AGPAT1: variants seen among roughly 807,000 people sequenced by gnomAD.
AGPAT1 encodes the protein 1-acylglycerol-3-phosphate O-acyltransferase 1.
Under a neutral mutation model 31.2 loss-of-function variants are expected in AGPAT1, and 6 were observed. The observed-to-expected ratio is 0.19, with a 90% confidence interval of 0.11 to 0.38. The LOEUF (loss-of-function observed/expected upper bound fraction) is 0.38, where lower values mean the gene tolerates loss of function less well. Among genes scored for constraint, AGPAT1 ranks in the 10% least tolerant of loss-of-function variants. The pLI, the probability that AGPAT1 is intolerant of heterozygous loss-of-function variation, is 1.00. For missense variants in AGPAT1, 187 were observed against 377.8 expected, an observed-to-expected ratio of 0.49 and a Z score of 4.19; for synonymous variants, 139 against 154.0, an observed-to-expected ratio of 0.90 and a Z score of 0.72.
chr6:32,170,352 C>T lies in AGPAT1; in HGVS notation c.510+73G>A. 6.2e-7 allele frequency: 1 copy of T among 1,609,466 alleles called. No individual in the cohort carries two copies. Among genetic ancestry groups the T allele is most frequent in the Non-Finnish European group, 8.5e-7 (1 of 1,176,028 alleles). ...AATGGGACCTTTGAGGCCCACTGGCCCTGCATATCAGTTTATTTACAACTG... is the reference window on the plus strand; with the variant it reads ...AATGGGACCTTTGAGGCCCACTGGCTCTGCATATCAGTTTATTTACAACTG... On this transcript the variant is annotated intron_variant, in intron 4 of 6. Coordinates refer to ENST00000375107, the MANE Select transcript of AGPAT1 (RefSeq NM_006411.4). This position sits in a 1 kb window ranked among gnomAD's most constrained non-coding sequence, Gnocchi z 7.7.
upstream of AGPAT1, chr6:32,176,085 A>G (rs1211300365): frequency 1.0e-6 from 1 of 983,342 alleles, no homozygotes; most frequent in Non-Finnish European, 1.2e-6. Flanking sequence ...TGCCGCCGCT[A>G]TTCCCCCGCC....
chr6:32,169,601 G>A lies in AGPAT1; in HGVS notation c.680-153C>T. 1 of 871,860 alleles carries A rather than the reference G, an allele frequency of 1.1e-6. No individual in the cohort carries two copies. The highest frequency in any genetic ancestry group is 1.7e-5 in the African/African-American group (1 of 59,334). 54.0% of individuals were successfully genotyped at this position (871,860 alleles called of 1,614,324 possible). A position where few individuals can be genotyped will look rare whatever the true frequency, so the allele number is the denominator to read the frequency against. ...TGGGCTTGCCAGCTGCCACTTCTGA[G>A]GCCCTTCTCCTATACAAAGCCTTCT... On this transcript the variant is annotated intron_variant, in intron 6 of 6. Coordinates refer to ENST00000375107, the MANE Select transcript of AGPAT1 (RefSeq NM_006411.4). This position sits in a 1 kb window ranked among gnomAD's most constrained non-coding sequence, Gnocchi z 5.9.
At chr6:32,176,432 T>C (rs1785563959), upstream of AGPAT1, 2 of 930,536 alleles carry the variant, frequency 2.1e-6, no homozygotes, top group African/African-American at 3.6e-5. Flanking sequence ...TATCTGCTGC[T>C]TATTCCCCCC....
Position 32,169,558 on chromosome 6 carries a change from A to C in AGPAT1, c.680-110T>G. On this transcript the variant is annotated intron_variant, in intron 6 of 6. Transcript: ENST00000375107. This position sits in a 1 kb window ranked among gnomAD's most constrained non-coding sequence, Gnocchi z 5.9. ...TCAACCTTTCAGTTCTCTTCCCCCAACCCTGGACAACCATCCCTGGGCTTG... is the reference window on the plus strand; with the variant it reads ...TCAACCTTTCAGTTCTCTTCCCCCACCCCTGGACAACCATCCCTGGGCTTG... 1.5e-6 allele frequency: 2 copies of C among 1,323,204 alleles called. No individual in the cohort carries two copies. The highest frequency in any genetic ancestry group is 1.4e-5 in the South Asian group (1 of 74,002). 82.0% of individuals were successfully genotyped at this position (1,323,204 alleles called of 1,614,324 possible). A position where few individuals can be genotyped will look rare whatever the true frequency, so the allele number is the denominator to read the frequency against.
Position 32,170,425 on chromosome 6 carries a change from G to A in AGPAT1, c.510C>T (p.Asp170=). Residue 170 remains aspartate, a splice_region_variant and synonymous_variant, in exon 4 of 7, where the codon GAC becomes GAT. Transcript: ENST00000375107. The surrounding 1 kb of genome is among the most constrained non-coding windows in gnomAD (Gnocchi z 7.7). ...SEVAQTLLTQ[D]VRVWVFPEGT... is the part of the protein sequence containing the mutation. Reference sequence around the variant, plus strand: ...CCCCCATTTCCCCAGGATGACTCACGTCCTGGGTGAGCAGGGTCTGGGCGA... The same window carrying A: ...CCCCCATTTCCCCAGGATGACTCACATCCTGGGTGAGCAGGGTCTGGGCGA... The A allele has an allele frequency of 1.9e-6, 3 of 1,613,498 alleles. No homozygotes were observed. Among genetic ancestry groups the A allele is most frequent in the South Asian group, 1.1e-5 (1 of 91,086 alleles).
rs1476677914 is a variant in AGPAT1, at chr6:32,170,870, T to A, written c.334+67A>T. The A allele has an allele frequency of 1.3e-6, 2 of 1,554,810 alleles. No individual in the cohort carries two copies. Among genetic ancestry groups the A allele is most frequent in the Non-Finnish European group, 1.8e-6 (2 of 1,140,686 alleles). ...GGAATTGAGGATCTCTAGGAGAAGA[T>A]ATTCTAGGGAAGGTTTCAGGAGGGG... is the stretch of plus-strand genomic sequence containing the variant. On this transcript the variant is annotated intron_variant, in intron 3 of 6. Transcript: ENST00000375107. The surrounding 1 kb of genome is among the most constrained non-coding windows in gnomAD (Gnocchi z 7.7).
Position 32,171,478 on chromosome 6 carries a change from C to A in AGPAT1, c.19G>T (p.Ala7Ser). 6 of 1,599,068 alleles carry A rather than the reference C, an allele frequency of 3.8e-6. No homozygotes were observed. Among genetic ancestry groups the A allele is most frequent in the Non-Finnish European group, 4.3e-6 (5 of 1,173,938 alleles). Reference sequence around the variant, plus strand: ...AAGAGCAGCAGCAGCAGCATCCATGCCCCTGGCCACAAATCCATTCTGGCC... The same window carrying A: ...AAGAGCAGCAGCAGCAGCATCCATGACCCTGGCCACAAATCCATTCTGGCC... MDLWPG[A>S]WMLLLLLFLL... Residue 7 changes from alanine (A) to serine (S), a missense_variant, in exon 2 of 7, where the codon GCA becomes TCA. By Grantham distance (99) the Ala-to-Ser change is moderately conservative. Transcript: ENST00000375107. The surrounding 1 kb of genome is among the most constrained non-coding windows in gnomAD (Gnocchi z 6.9).
In AGPAT1 at chr6:32,173,894, G is replaced by A. The variant is rs1357417427; in HGVS notation, c.-10+1920C>T. On this transcript the variant is annotated intron_variant, in intron 1 of 6. Transcript: ENST00000375107. The surrounding 1 kb of genome is among the most constrained non-coding windows in gnomAD (Gnocchi z 4.7). Reference sequence around the variant, plus strand: ...TTCTGGGCATTAGGTCCAGCAATCTGTTTTTCTTTTTCTCACTCTGTCACT... The same window carrying A: ...TTCTGGGCATTAGGTCCAGCAATCTATTTTTCTTTTTCTCACTCTGTCACT... Among the ~76,000 whole-genome samples, 5 of 152,146 alleles carry A rather than the reference G, an allele frequency of 3.3e-5. No homozygotes were observed. The highest frequency in any genetic ancestry group is 9.7e-5 in the African/African-American group (4 of 41,432).
upstream of AGPAT1, chr6:32,176,182 G>A (rs910965054): frequency 1.5e-5 from 15 of 980,502 alleles, no homozygotes; most frequent in African/African-American, 2.6e-4. Flanking sequence ...TCGTCTCCCA[G>A]AAACTCTGGC....
rs1308053907 is a variant in AGPAT1 at position 32,170,876 on chromosome 6, A to G, written c.334+61T>C. The G allele has an allele frequency of 7.0e-6, 11 of 1,567,706 alleles. No homozygotes were observed. Among genetic ancestry groups the G allele is most frequent in the Non-Finnish European group, 8.7e-6 (10 of 1,149,848 alleles). ...GAGGATCTCTAGGAGAAGATATTCTAGGGAAGGTTTCAGGAGGGGAGGCAT... is the reference window on the plus strand; with the variant it reads ...GAGGATCTCTAGGAGAAGATATTCTGGGGAAGGTTTCAGGAGGGGAGGCAT... On this transcript the variant is annotated intron_variant, in intron 3 of 6. Coordinates refer to ENST00000375107, the MANE Select transcript of AGPAT1 (RefSeq NM_006411.4). The surrounding 1 kb of genome is among the most constrained non-coding windows in gnomAD (Gnocchi z 7.7).
rs1785283259 is a variant in AGPAT1 at position 32,173,570 on chromosome 6, T to C, written c.-9-2065A>G. On this transcript the variant is annotated intron_variant, in intron 1 of 6. Transcript: ENST00000375107. This position sits in a 1 kb window ranked among gnomAD's most constrained non-coding sequence, Gnocchi z 4.7. ...TTGCCTAAAGGCTCTTCTTGATAAG[T>C]TGACTTCTGCTTACATCTTCGACCA... is the stretch of plus-strand genomic sequence containing the variant. Among the ~76,000 whole-genome samples, 2 of 152,234 alleles carry C rather than the reference T, an allele frequency of 1.3e-5. No individual in the cohort carries two copies. The highest frequency in any genetic ancestry group is 2.9e-5 in the Non-Finnish European group (2 of 68,040).
In AGPAT1 at chr6:32,171,232, C is replaced by G. The variant is rs1785070462; in HGVS notation, c.200+65G>C. ...TTTCTACACACACCATGCCCCCTTC[C>G]CCCAATCCACTACTCACTTTGTACC... On this transcript the variant is annotated intron_variant, in intron 2 of 6. Coordinates refer to ENST00000375107, the MANE Select transcript of AGPAT1 (RefSeq NM_006411.4). The surrounding 1 kb of genome is among the most constrained non-coding windows in gnomAD (Gnocchi z 6.9). 4 of 1,611,332 alleles carry G rather than the reference C, an allele frequency of 2.5e-6. No homozygotes were observed. The Admixed American group carries it at 6.7e-5, about 27-fold the overall frequency.
chr6:32,177,013 T>C (rs2127425023), upstream of AGPAT1: 2 of 398,676 alleles, frequency 5.0e-6, no homozygotes, highest in South Asian at 1.3e-4. Flanking sequence ...TTCACTCTCC[T>C]TCATTTCCAC....
At chr6:32,176,449 T>C, upstream of AGPAT1, 3 of 974,524 alleles carry the variant, frequency 3.1e-6, no homozygotes, top group Non-Finnish European at 3.7e-6. Flanking sequence ...CCCCAACTAT[T>C]CTTAAGGACC....
At position 32,175,892 on chromosome 6, in the gene AGPAT1, CTCTG is replaced by C; in HGVS notation, c.-92_-89del. On this transcript the variant is annotated 5_prime_UTR_variant, in exon 1 of 7. Coordinates refer to ENST00000375107, the MANE Select transcript of AGPAT1 (RefSeq NM_006411.4). This position sits in a 1 kb window ranked among gnomAD's most constrained non-coding sequence, Gnocchi z 4.5. ...CAGCGGTGGTGGCGGATGGCTGTGT[CTCTG>C]TCTCTGTCGGGGTGTCGGTGCCAAG... 7.1e-6 allele frequency: 7 copies of C among 986,436 alleles called. No individual in the cohort carries two copies. Among genetic ancestry groups the C allele is most frequent in the Non-Finnish European group, 8.4e-6 (7 of 830,746 alleles). The allele number at this position is 986,436 out of a possible 1,614,324, so 61.1% of individuals were successfully genotyped here. A position where few individuals can be genotyped will look rare whatever the true frequency, so the allele number is the denominator to read the frequency against.
At chr6:32,176,417 C>G, upstream of AGPAT1, 1 of 868,284 alleles carries the variant, frequency 1.2e-6, no homozygotes, top group Non-Finnish European at 1.4e-6. Flanking sequence ...TTTCTCAACT[C>G]CGGTTATCTG....
In AGPAT1 at chr6:32,170,180, A is replaced by C. The variant is rs1380589941; in HGVS notation, c.591T>G (p.Leu197=). The C allele has an allele frequency of 5.6e-6, 9 of 1,614,070 alleles. No homozygotes were observed. Among genetic ancestry groups the C allele is most frequent in the African/African-American group, 1.3e-5 (1 of 74,938 alleles). ...CAGTAGTCACCTGGGCCTGCACTGCAAGATGGAAGGCGCCACGTTTGAAGG... is the reference window on the plus strand; with the variant it reads ...CAGTAGTCACCTGGGCCTGCACTGCCAGATGGAAGGCGCCACGTTTGAAGG... The part of the protein sequence containing the change: ...MLPFKRGAFH[L]AVQAQVPIVP... The change falls in exon 5 of 7, where the codon CTT becomes CTG. Residue 197 remains leucine, a synonymous_variant. Transcript: ENST00000375107. This position sits in a 1 kb window ranked among gnomAD's most constrained non-coding sequence, Gnocchi z 7.7.
chr6:32,177,032 C>T, upstream of AGPAT1: 1 of 398,532 alleles, frequency 2.5e-6, no homozygotes, highest in Non-Finnish European at 4.4e-6. Context: ...ACCTTTCCCT[C>T]TCAATATCTT....
chr6:32,169,264 C>T lies in AGPAT1; in HGVS notation c.*12G>A. ...GATGGGGACAGATGGGAGGAGAGCT[C>T]AGAGCCAGGGTTCACCCACCGCCCC... On this transcript the variant is annotated 3_prime_UTR_variant, in exon 7 of 7. Transcript: ENST00000375107. This position sits in a 1 kb window ranked among gnomAD's most constrained non-coding sequence, Gnocchi z 5.9. The T allele has an allele frequency of 6.2e-7, 1 of 1,611,636 alleles. No individual in the cohort carries two copies. Among genetic ancestry groups the T allele is most frequent in the Non-Finnish European group, 8.5e-7 (1 of 1,179,168 alleles).
Sources: gnomAD v4.1 joint callset for allele counts (sites outside exome capture counted in the v4.1 genomes callset) on GRCh38, gnomAD v4.1.1 for gene constraint, Gnocchi (gnomAD v3.1) non-coding constraint, MANE v1.5 for transcripts, NCBI Gene and HGNC (gene_info 2026-07-23, HGNC 2026-07-21) for gene names.